Variants in NEGR1 observed in about 807,000 individuals in gnomAD.
NEGR1 encodes neuronal growth regulator 1, also known as IgLON family member 4.
Under a neutral mutation model 40.9 loss-of-function variants are expected in NEGR1, and 10 were observed. The ratio of observed to expected loss-of-function variants is 0.24; its 90% CI spans 0.15 to 0.42. The LOEUF (loss-of-function observed/expected upper bound fraction) is 0.42, where lower values mean the gene tolerates loss of function less well. Among genes scored for constraint, NEGR1 ranks in the 10% least tolerant of loss-of-function variants. The pLI, the probability that NEGR1 is intolerant of heterozygous loss-of-function variation, is 1.00. For synonymous variants in NEGR1, 185 were observed against 166.8 expected, an observed-to-expected ratio of 1.11 and a Z score of -0.84; for missense variants, 352 against 438.9, an observed-to-expected ratio of 0.80 and a Z score of 1.77.
chr1:72,148,955 C>T (rs536544533), intron 1 of NEGR1, among the ~76,000 whole-genome samples: 1 of 152,260 alleles, frequency 6.6e-6, no homozygotes, highest in Middle Eastern at 3.4e-3. Context: ...GCCTGTTATC[C>T]AGTTCCAAAG....
chr1:72,130,095 T>C (rs1650184393), intron 1 of NEGR1, among the ~76,000 whole-genome samples: 1 of 152,164 alleles, frequency 6.6e-6, no homozygotes, highest in African/African-American at 2.4e-5. Context: ...TGAGTCAAAT[T>C]CCCCTCCTTA....
At chr1:71,904,553 A>G (rs1007250681) in intron 2 of NEGR1, among the ~76,000 whole-genome samples, 2 of 152,100 alleles carry the variant, frequency 1.3e-5, no homozygotes, top group Admixed American at 1.3e-4. Context: ...TTGTCATCCA[A>G]TATAGGTTTG....
intron 6 of NEGR1, among the ~76,000 whole-genome samples, chr1:71,434,239 C>G (rs1315676674): frequency 6.6e-6 from 1 of 152,058 alleles, no homozygotes; most frequent in African/African-American, 2.4e-5. Context: ...AGATACTAGT[C>G]TATTTTGTCA....
At chr1:71,476,876 A>C (rs1035775051) in intron 6 of NEGR1, 4 of 152,080 alleles carry the variant, frequency 2.6e-5, no homozygotes, top group African/African-American at 9.7e-5. Flanking sequence ...ATAAAGCATA[A>C]CCAGGAGTAC....
intron 1 of NEGR1, among the ~76,000 whole-genome samples, chr1:71,972,135 T>C (rs1455118240): frequency 3.9e-5 from 6 of 152,230 alleles, no homozygotes; most frequent in Admixed American, 2.6e-4. Flanking sequence ...TATAGGTGAA[T>C]GGCAGTTTCA....
At chr1:71,411,454 T>C (rs1646320621) in intron 6 of NEGR1, among the ~76,000 whole-genome samples, 1 of 152,188 alleles carries the variant, frequency 6.6e-6, no homozygotes, top group African/African-American at 2.4e-5. Context: ...AGATATCTAG[T>C]TGAGCCTCTG....
chr1:71,475,613 C>G (rs1646814569), intron 6 of NEGR1, among the ~76,000 whole-genome samples: 1 of 151,954 alleles, frequency 6.6e-6, no homozygotes, highest in Admixed American at 6.6e-5. Flanking sequence ...TTTAGCATAT[C>G]TGAGTACAGT....
chr1:72,281,838 G>A (rs1401341329), intron 1 of NEGR1, among the ~76,000 whole-genome samples: 1 of 152,108 alleles, frequency 6.6e-6, no homozygotes, highest in Non-Finnish European at 1.5e-5. Flanking sequence ...ACAGAAAGCG[G>A]TAAAAGGAAA....
intron 1 of NEGR1, among the ~76,000 whole-genome samples, chr1:72,085,505 T>C (rs967406307): frequency 6.6e-6 from 1 of 152,216 alleles, no homozygotes; most frequent in African/African-American, 2.4e-5. Flanking sequence ...ACTAGGTGTG[T>C]TCTGCACATT....
chr1:71,669,850 C>T (rs1157041945), intron 4 of NEGR1, among the ~76,000 whole-genome samples: 1 of 152,128 alleles, frequency 6.6e-6, no homozygotes, highest in African/African-American at 2.4e-5. Flanking sequence ...AGGGATTTCA[C>T]CAGGTTGGCC....
chr1:72,180,322 A>C (rs569998569), intron 1 of NEGR1, among the ~76,000 whole-genome samples: 11 of 152,174 alleles, frequency 7.2e-5, no homozygotes, highest in Middle Eastern at 3.4e-3. Flanking sequence ...TTCAAAACGG[A>C]TAAAAGACCC....
At chr1:72,254,718 AAG>A (rs1491242337) in intron 1 of NEGR1, among the ~76,000 whole-genome samples, 1 of 151,526 alleles carries the variant, frequency 6.6e-6, no homozygotes, top group Non-Finnish European at 1.5e-5. Context: ...AAAAAAAAAA[AAG>A]CATTTTATTT....
chr1:71,471,707 A>C (rs1348595958), intron 6 of NEGR1, among the ~76,000 whole-genome samples: 2 of 152,062 alleles, frequency 1.3e-5, no homozygotes, highest in African/African-American at 4.8e-5. Context: ...TGCTCAATAA[A>C]ATCTGACCTT....
At chr1:72,040,667 G>T (rs1296536633) in intron 1 of NEGR1, among the ~76,000 whole-genome samples, 1 of 149,316 alleles carries the variant, frequency 6.7e-6, no homozygotes, top group Non-Finnish European at 1.5e-5. Flanking sequence ...AATTGGGTTT[G>T]TGTGTGTATG....
intron 1 of NEGR1, among the ~76,000 whole-genome samples, chr1:72,064,135 G>A (rs1430099961): frequency 1.3e-5 from 2 of 151,950 alleles, no homozygotes; most frequent in Admixed American, 1.3e-4. Context: ...GAAGAATGGG[G>A]CTTTTAAGTC....
chr1:71,888,455 C>CA (rs1553172727), intron 2 of NEGR1, among the ~76,000 whole-genome samples: 6 of 151,862 alleles, frequency 4.0e-5, no homozygotes, highest in African/African-American at 1.5e-4. Flanking sequence ...AAAGGGGTGA[C>CA]GGACGCACCT....
chr1:72,104,183 A>G (rs1649047915), intron 1 of NEGR1, among the ~76,000 whole-genome samples: 2 of 152,054 alleles, frequency 1.3e-5, no homozygotes, highest in African/African-American at 4.8e-5. Context: ...AAAGATGTCT[A>G]TGTCCTAATC....
chr1:71,731,880 T>C (rs1024969181), intron 3 of NEGR1, among the ~76,000 whole-genome samples: 2 of 152,222 alleles, frequency 1.3e-5, no homozygotes, highest in African/African-American at 4.8e-5. Flanking sequence ...CTTCCCTTAT[T>C]CACCAGTGAA....
intron 1 of NEGR1, among the ~76,000 whole-genome samples, chr1:72,277,243 C>A (rs1394489767): frequency 6.6e-6 from 1 of 152,112 alleles, no homozygotes; most frequent in African/African-American, 2.4e-5. Flanking sequence ...CCCTCCACCC[C>A]CATAACACAG....
Sources: gnomAD v4.1 joint callset for allele counts (sites outside exome capture counted in the v4.1 genomes callset) on GRCh38, gnomAD v4.1.1 for gene constraint, MANE v1.5 for transcripts, NCBI Gene and HGNC (gene_info 2026-07-23, HGNC 2026-07-21) for gene names.